The following RACGAP1 variants were observed in gnomAD, a reference collection of about 807,000 sequenced individuals.
RACGAP1 encodes the protein Rac GTPase activating protein 1.
Under a neutral mutation model 78.1 loss-of-function variants are expected in RACGAP1, and 30 were observed. That is an observed-to-expected ratio of 0.38 (90% CI 0.29 to 0.52). The LOEUF is 0.52. Among genes scored for constraint, RACGAP1 ranks in the 20% least tolerant of loss-of-function variants. The pLI, the probability that RACGAP1 is intolerant of heterozygous loss-of-function variation, is 0.82. For missense variants in RACGAP1, 587 were observed against 777.1 expected (o/e 0.76, Z 2.91); for synonymous variants, 231 against 264.8 (o/e 0.87, Z 1.24).
chr12:50,003,523 T>C (rs1342020141), intron 5 of RACGAP1, among the ~76,000 whole-genome samples: 1 of 152,240 alleles, frequency 6.6e-6, no homozygotes, highest in Non-Finnish European at 1.5e-5. Context: ...GTCACCTGTT[T>C]TGCTATACCA....
chr12:49,994,332 A>C lies in RACGAP1; in HGVS notation c.1141-3T>G. 1 of 1,612,914 alleles carries C rather than the reference A, an allele frequency of 6.2e-7. No individual in the cohort carries two copies. Among genetic ancestry groups the C allele is most frequent in the South Asian group, 1.1e-5 (1 of 90,716 alleles). On this transcript the variant is annotated splice_polypyrimidine_tract_variant and splice_region_variant and intron_variant, in intron 11 of 16. Coordinates refer to ENST00000312377, the MANE Select transcript of RACGAP1 (RefSeq NM_001319999.2). ...CCAGAGATCCTATACAGGCCTGTCTATTATCAAGATGACATTTTTATTTAA... is the reference window on the plus strand; with the variant it reads ...CCAGAGATCCTATACAGGCCTGTCTCTTATCAAGATGACATTTTTATTTAA...
At chr12:49,996,043 G>A (rs1454533486) in intron 10 of RACGAP1, among the ~76,000 whole-genome samples, 1 of 152,178 alleles carries the variant, frequency 6.6e-6, no homozygotes, top group Non-Finnish European at 1.5e-5. Flanking sequence ...TGGGTGCCAT[G>A]GCTCACACCT....
upstream of RACGAP1, chr12:50,025,569 A>C (rs1025395241): frequency 6.1e-6 from 6 of 982,662 alleles, no homozygotes; most frequent in Middle Eastern, 1.0e-3. Flanking sequence ...CGTCAGGGCC[A>C]CGCGGAGGTG....
At chr12:50,005,527 C>A in intron 3 of RACGAP1, 135 bp from the exon 4 acceptor site, 1 of 917,864 alleles carries the variant, frequency 1.1e-6, no homozygotes, top group Non-Finnish European at 1.6e-6. Context: ...GCTGCTACAC[C>A]AATAGCATAT....
chr12:50,016,502 G>A (rs1053034046), intron 2 of RACGAP1, 129 bp downstream of exon 2: 2 of 952,146 alleles, frequency 2.1e-6, no homozygotes, highest in African/African-American at 3.2e-5. Flanking sequence ...CCACGTAAGT[G>A]ATCACTGCTT....
intron 2 of RACGAP1, 135 bp downstream of exon 2, chr12:50,016,496 G>GT: frequency 2.3e-6 from 2 of 886,220 alleles, no homozygotes; most frequent in Non-Finnish European, 1.8e-6. Flanking sequence ...CTTTGACCAC[G>GT]TAAGTGATCA....
chr12:50,031,736 C>T (rs1055361142), exon 2 of RACGAP1: 10 of 985,256 alleles, frequency 1.0e-5, no homozygotes, highest in Admixed American at 6.2e-5. Context: ...TGCCTGGGTC[C>T]GTGCCTTTGG....
chr12:50,006,967 T>A (rs1451524827), intron 2 of RACGAP1, among the ~76,000 whole-genome samples: 1 of 152,178 alleles, frequency 6.6e-6, no homozygotes, highest in Non-Finnish European at 1.5e-5. Context: ...CAAAGGGGGA[T>A]ACCTTTGGGG....
At chr12:50,002,885 G>T (rs56259551) in intron 5 of RACGAP1, among the ~76,000 whole-genome samples, 9 of 152,002 alleles carry the variant, frequency 5.9e-5, no homozygotes. Context: ...TTAGCCAGGC[G>T]TGGTGGCGGG....
intron 10 of RACGAP1, 78 bp from the exon 11 acceptor site, chr12:49,994,587 C>A: frequency 6.6e-7 from 1 of 1,523,864 alleles, no homozygotes; most frequent in Non-Finnish European, 8.8e-7. Context: ...GAAGAACCAC[C>A]TCCAATCTTA....
upstream of RACGAP1, among the ~76,000 whole-genome samples, chr12:50,029,276 C>T (rs1950309340): frequency 6.6e-6 from 1 of 151,044 alleles, no homozygotes; most frequent in African/African-American, 2.4e-5. Context: ...GTCCCAGCTA[C>T]TCAGGAGGCT....
chr12:50,002,042 G>A (rs1305940687), intron 6 of RACGAP1, among the ~76,000 whole-genome samples: 1 of 134,646 alleles, frequency 7.4e-6, no homozygotes, highest in Non-Finnish European at 1.5e-5. Context: ...TCCAGCCTGG[G>A]AAATGAGCAA....
Position 50,025,436 on chromosome 12 carries a change from C to T in RACGAP1, c.-43G>A, listed in dbSNP as rs748480188. 183 of 985,582 alleles carry T rather than the reference C, an allele frequency of 1.9e-4. No homozygotes were observed. Among genetic ancestry groups the T allele is most frequent in the Non-Finnish European group, 2.1e-4 (174 of 830,128 alleles). 61.1% of individuals were successfully genotyped at this position (985,582 alleles called of 1,614,324 possible). ...GCCCCACCTGGGCCACCCTTCACTTCGCTCCGCGCCTCACCCAACGGCAGA... is the reference window on the plus strand; with the variant it reads ...GCCCCACCTGGGCCACCCTTCACTTTGCTCCGCGCCTCACCCAACGGCAGA... On this transcript the variant is annotated 5_prime_UTR_variant, in exon 1 of 17. Coordinates refer to ENST00000312377, the MANE Select transcript of RACGAP1 (RefSeq NM_001319999.2).
rs1565660262 is a variant in RACGAP1, at chr12:49,994,294, T to C, written c.1176A>G (p.Thr392=). 2 of 1,614,226 alleles carry C rather than the reference T, an allele frequency of 1.2e-6. No homozygotes were observed. The highest frequency in any genetic ancestry group is 1.7e-6 in the Non-Finnish European group (2 of 1,180,040). ...GGAATTTCTCTTTCAGCTCTTTTAC[T>C]GTGCGGTCACAGCCAGAGATCCTAT... ...GLYRISGCDR[T]VKELKEKFLR... The change falls in exon 12 of 17, where the codon ACA becomes ACG. Residue 392 remains threonine (T), a synonymous_variant. Coordinates refer to ENST00000312377, the MANE Select transcript of RACGAP1 (RefSeq NM_001319999.2).
In RACGAP1 at chr12:49,997,130, G is replaced by A. The variant is rs1948347184; in HGVS notation, c.954C>T (p.Asp318=). ...KFGKLSLKCR[D]CRVVSHPECR... ...ATTCTGGATGAGAGACCACACGACAGTCTCGACACTTCAGAGATAATTTGC... is the reference window on the plus strand; with the variant it reads ...ATTCTGGATGAGAGACCACACGACAATCTCGACACTTCAGAGATAATTTGC... The change falls in exon 10 of 17, where the codon GAC becomes GAT. Residue 318 remains aspartate, a synonymous_variant. Coordinates refer to ENST00000312377, the MANE Select transcript of RACGAP1 (RefSeq NM_001319999.2). The A allele has an allele frequency of 3.7e-6, 6 of 1,611,170 alleles. No homozygotes were observed. The East Asian group carries it at 6.7e-5, about 18-fold the overall frequency.
At chr12:50,018,380 G>T in intron 1 of RACGAP1, 1 of 480,272 alleles carries the variant, frequency 2.1e-6, no homozygotes, top group Non-Finnish European at 3.5e-6. Flanking sequence ...TAAGCAACCA[G>T]ACCAACAAAT....
At chr12:50,021,222 G>T in intron 1 of RACGAP1, 1 of 659,566 alleles carries the variant, frequency 1.5e-6, no homozygotes, top group Non-Finnish European at 1.9e-6. Context: ...GTAGTACATT[G>T]CTTTTGCAGC....
intron 2 of RACGAP1, among the ~76,000 whole-genome samples, chr12:50,009,196 T>C (rs1949156890): frequency 7.0e-6 from 1 of 142,286 alleles, no homozygotes; most frequent in African/African-American, 2.7e-5. Context: ...TGAGCTGAGA[T>C]CGTGCCACTG....
chr12:49,994,746 A>G (rs1359525665), intron 10 of RACGAP1, among the ~76,000 whole-genome samples: 1 of 152,170 alleles, frequency 6.6e-6, no homozygotes. Context: ...TATATACACC[A>G]CACTGTTATG....
Sources: gnomAD v4.1 joint callset for allele counts (sites outside exome capture counted in the v4.1 genomes callset) on GRCh38, gnomAD v4.1.1 for gene constraint, MANE v1.5 for transcripts, NCBI Gene and HGNC (gene_info 2026-07-23, HGNC 2026-07-21) for gene names.